The following TTN variants were observed in gnomAD, a reference collection of about 807,000 sequenced individuals.
TTN encodes the protein connectin.
TTN carries 1,525 observed loss-of-function variants against 3,223.0 expected under a neutral mutation model. That is an observed-to-expected ratio of 0.47 (90% CI 0.45 to 0.49). The LOEUF is 0.49. Ranked by LOEUF, TTN falls within the 20% of genes least tolerant of loss-of-function variation. The pLI, the probability that TTN is intolerant of heterozygous loss-of-function variation, is 0.00. For synonymous variants in TTN, 14,094 were observed against 15,161.0 expected, an observed-to-expected ratio of 0.93 and a Z score of 5.17; for missense variants, 40,786 against 43,424.0, an observed-to-expected ratio of 0.94 and a Z score of 5.40.
In TTN at chr2:178,619,861, G is replaced by A. The variant is rs907482265; in HGVS notation, c.46456C>T (p.Pro15486Ser). Residue 15486 changes from proline (P) to serine (S), a missense_variant, in exon 250 of 363, where the codon CCA becomes TCA. Transcript: ENST00000589042. ...CCAGGGGCTTCAAGAATATCTTGTG[G>A]AGGCCTGATGATCTCAACAGGAATT... ...EEIPVEIIRP[P>S]QDILEAPGAD... 2.5e-6 allele frequency: 4 copies of A among 1,611,030 alleles called. No homozygotes were observed. The Admixed American group carries it at 5.0e-5, about 20-fold the overall frequency.
intron 221 of TTN, 38 bp downstream of exon 221, chr2:178,640,503 A>G: frequency 6.4e-7 from 1 of 1,558,346 alleles, no homozygotes; most frequent in Non-Finnish European, 8.8e-7. Flanking sequence ...ACATATTTGC[A>G]TTTTTAGAGA....
chr2:178,676,169 C>A, intron 147 of TTN, 174 bp from the exon 148 acceptor site: 1 of 584,528 alleles, frequency 1.7e-6, no homozygotes, highest in Non-Finnish European at 3.0e-6. Flanking sequence ...AGCAAGGGAC[C>A]AGCAGCATAT....
chr2:178,563,665 T>TA lies in TTN; in HGVS notation c.82466_82467insT (p.Trp27490MetfsTer13). 6.2e-7 allele frequency: 1 copy of TA among 1,613,804 alleles called. No homozygotes were observed. The highest frequency in any genetic ancestry group is 8.5e-7 in the Non-Finnish European group (1 of 1,179,772). ...CTCCGTCGTCTACTGGGCGTGCCCA[T>TA]GTTACTACCATAGAATCTTTGGTGA... On this transcript the variant is annotated frameshift_variant, in exon 326 of 363. Transcript: ENST00000589042. LOFTEE classifies it high-confidence loss of function. The surrounding 1 kb of genome is among the most constrained non-coding windows in gnomAD (Gnocchi z 4.5).
intron 12 of TTN, among the ~76,000 whole-genome samples, 195 bp downstream of exon 12, chr2:178,789,783 T>C (rs566910708): frequency 3.3e-5 from 5 of 152,302 alleles, no homozygotes; most frequent in African/African-American, 1.2e-4. Context: ...AAATGAATTA[T>C]AAATGTTACA....
intron 210 of TTN, 110 bp downstream of exon 210, chr2:178,650,054 T>A: frequency 7.6e-7 from 1 of 1,313,936 alleles, no homozygotes. Context: ...CTTAATGTAG[T>A]CAGATTTCAG....
At chr2:178,729,635 A>G (rs1189747740) in intron 63 of TTN, 29 bp downstream of exon 63, 1 of 1,613,512 alleles carries the variant, frequency 6.2e-7, no homozygotes, top group African/African-American at 1.3e-5. Context: ...CAGCACAGCC[A>G]AAATGGAGAA....
rs879082842 is a variant in TTN, at chr2:178,702,167, C to G, written c.30511+1G>C. The G allele has an allele frequency of 6.2e-7, 1 of 1,613,824 alleles. No homozygotes were observed. The highest frequency in any genetic ancestry group is 1.3e-5 in the African/African-American group (1 of 74,906). The stretch of plus-strand genomic sequence containing the variant: ...GTGGCTTTCTGATGGCGCTACCTCA[C>G]CTTTCGTCGTTAGGTACAGCTCTGC... On this transcript the variant is annotated splice_donor_variant, in intron 108 of 362. Transcript: ENST00000589042. LOFTEE classifies it high-confidence loss of function.
intron 294 of TTN, among the ~76,000 whole-genome samples, chr2:178,596,091 A>G (rs1390908794): frequency 1.3e-5 from 2 of 151,208 alleles, no homozygotes; most frequent in African/African-American, 4.9e-5. Flanking sequence ...CCCAGGTTCA[A>G]GCAATTCTCC....
intron 47 of TTN, 35 bp downstream of exon 47, chr2:178,753,089 T>C: frequency 6.3e-7 from 1 of 1,577,806 alleles, no homozygotes; most frequent in South Asian, 1.1e-5. Context: ...TCCTTTAGAA[T>C]TTCTACTTAA....
Position 178,601,302 on chromosome 2 carries a change from C to T in TTN, c.55695G>A (p.Val18565=). Residue 18565 remains valine (V), a synonymous_variant, in exon 287 of 363, where the codon GTG becomes GTA. Coordinates refer to ENST00000589042, the MANE Select transcript of TTN (RefSeq NM_001267550.2). The part of the protein sequence containing the change: ...AENRFGIGPP[V]ETIQRTTARD... Reference sequence around the variant, plus strand: ...TGGCAGTGGTCCTCTGAATGGTTTCCACAGGTGGGCCAATACCAAAACGGT... The same window carrying T: ...TGGCAGTGGTCCTCTGAATGGTTTCTACAGGTGGGCCAATACCAAAACGGT... The T allele has an allele frequency of 6.3e-7, 1 of 1,591,678 alleles. No individual in the cohort carries two copies.
chr2:178,535,431 T>G lies in TTN; in HGVS notation c.101184A>C (p.Lys33728Asn). The G allele has an allele frequency of 6.2e-7, 1 of 1,613,870 alleles. No homozygotes were observed. The highest frequency in any genetic ancestry group is 1.1e-5 in the South Asian group (1 of 91,084). Reference sequence around the variant, plus strand: ...GCCATCTTTCTGCAGTAGTTGCACATTTTTCAACAATGTAGTTGGTGATTT... The same window carrying G: ...GCCATCTTTCTGCAGTAGTTGCACAGTTTTCAACAATGTAGTTGGTGATTT... ...GSKITNYIVE[K>N]CATTAERWLR... The change falls in exon 358 of 363, where the codon AAA becomes AAC. Residue 33728 changes from lysine to asparagine, a missense_variant. Coordinates refer to ENST00000589042, the MANE Select transcript of TTN (RefSeq NM_001267550.2).
chr2:178,621,917 T>G lies in TTN; in HGVS notation c.45005A>C (p.Lys15002Thr), dbSNP rs1201766795. 6.2e-7 allele frequency: 1 copy of G among 1,612,180 alleles called. No homozygotes were observed. Among genetic ancestry groups the G allele is most frequent in the South Asian group, 1.1e-5 (1 of 91,014 alleles). ...KGAVRILVIN[K>T]CLLDDEAEYS... ...TTCAGCTTCATCATCCAGTAGACAT[T>G]TGTTGATGACAAGAATGCGCACTGC... Residue 15002 changes from lysine to threonine, a missense_variant, in exon 244 of 363, where the codon AAA becomes ACA. Coordinates refer to ENST00000589042, the MANE Select transcript of TTN (RefSeq NM_001267550.2).
rs1386775513 is a variant in TTN at position 178,671,103 on chromosome 2, C to A, written c.35295G>T (p.Glu11765Asp). The stretch of plus-strand genomic sequence containing the variant: ...CAAAGAAGATACCTTTAGCTGGTGG[C>A]TCTTTTCGAGGAACAACTTTAGTGG... ...KPPTKVVPRK[E>D]PPAKVPEVPK... Residue 11765 changes from glutamate (E) to aspartate (D), a missense_variant, in exon 156 of 363, where the codon GAG becomes GAT. Glu to Asp is a conservative substitution (Grantham distance 45). Transcript: ENST00000589042. 6 of 1,605,298 alleles carry A rather than the reference C, an allele frequency of 3.7e-6. No homozygotes were observed. Among genetic ancestry groups the A allele is most frequent in the Non-Finnish European group, 5.1e-6 (6 of 1,176,168 alleles).
chr2:178,623,559 AG>A (rs1390031945), intron 242 of TTN, among the ~76,000 whole-genome samples: 1 of 151,886 alleles, frequency 6.6e-6, no homozygotes, highest in East Asian at 1.9e-4. Context: ...CTTGCAGCTG[AG>A]CCTTCTTGGA....
Position 178,704,915 on chromosome 2 carries a change from G to A in TTN, c.29656C>T (p.Leu9886Phe), listed in dbSNP as rs1330292306. ...SERDEKEFEE[L>F]VSFIQQRLSQ... The stretch of plus-strand genomic sequence containing the variant: ...AGTCTTTGCTGAATAAATGATACAA[G>A]TTCCTCAAATTCCTTTTCGTCCCTC... The change falls in exon 104 of 363, where the codon CTT (leucine) becomes TTT (phenylalanine). Residue 9886 changes from leucine (L) to phenylalanine (F), a missense_variant. By Grantham distance (22) the Leu-to-Phe change is conservative. Coordinates refer to ENST00000589042, the MANE Select transcript of TTN (RefSeq NM_001267550.2). 1 of 1,613,330 alleles carries A rather than the reference G, an allele frequency of 6.2e-7. No homozygotes were observed. The highest frequency in any genetic ancestry group is 8.5e-7 in the Non-Finnish European group (1 of 1,179,768).
rs727504520 is a variant in TTN at position 178,578,933 on chromosome 2, C to G, written c.68097G>C (p.Gln22699His). 1.4e-4 allele frequency: 229 copies of G among 1,613,112 alleles called. No individual in the cohort carries two copies. The highest frequency in any genetic ancestry group is 1.7e-4 in the Non-Finnish European group (200 of 1,179,492). The part of the protein sequence containing the change: ...NKWVTCASAV[Q>H]KTTFRVTRLH... ...GTCTGGTTACTCTAAAGGTGGTTTT[C>G]TGGACAGCTGAGGCGCACGTCACCC... The change falls in exon 320 of 363, where the codon CAG becomes CAC. Residue 22699 changes from glutamine to histidine, a missense_variant. Gln to His is a conservative substitution (Grantham distance 24). Transcript: ENST00000589042.
intron 294 of TTN, 24 bp from the exon 295 acceptor site, chr2:178,595,833 C>G: frequency 2.6e-6 from 4 of 1,559,922 alleles, no homozygotes; most frequent in Non-Finnish European, 3.5e-6. Flanking sequence ...GAAAATAATT[C>G]AAGCTGTTTG....
chr2:178,776,578 A>G lies in TTN; in HGVS notation c.5286T>C (p.Leu1762=). The G allele has an allele frequency of 3.7e-6, 6 of 1,613,772 alleles. No individual in the cohort carries two copies. Among genetic ancestry groups the G allele is most frequent in the Non-Finnish European group, 5.1e-6 (6 of 1,180,006 alleles). The change falls in exon 28 of 363, where the codon CTT becomes CTC. Residue 1762 remains leucine, a synonymous_variant. Coordinates refer to ENST00000589042, the MANE Select transcript of TTN (RefSeq NM_001267550.2). ...CTCTAGAATATGCAACGCCATAATC[A>G]AGGCTGCAGTACCCAAATTCATTGA... ...RMINEFGYCS[L]DYGVAYSRDS...
At position 178,759,154 on chromosome 2, in the gene TTN, T is replaced by G. The variant is rs1275007573; in HGVS notation, c.10133A>C (p.Tyr3378Ser). The change falls in exon 44 of 363, where the codon TAC (tyrosine) becomes TCC (serine). Residue 3378 changes from tyrosine to serine, a missense_variant. Coordinates refer to ENST00000589042, the MANE Select transcript of TTN (RefSeq NM_001267550.2). ...VSGTDLKVSW[Y>S]SKDKKIKPSR... Reference sequence around the variant, plus strand: ...TGGCTTGATTTTCTTGTCTTTGCTGTACCACGACACTTTTAGATCTGCGAC... The same window carrying G: ...TGGCTTGATTTTCTTGTCTTTGCTGGACCACGACACTTTTAGATCTGCGAC... 1 of 1,614,018 alleles carries G rather than the reference T, an allele frequency of 6.2e-7. No homozygotes were observed.
Sources: gnomAD v4.1 joint callset for allele counts (sites outside exome capture counted in the v4.1 genomes callset) on GRCh38, gnomAD v4.1.1 for gene constraint, Gnocchi (gnomAD v3.1) non-coding constraint, MANE v1.5 for transcripts, NCBI Gene and HGNC (gene_info 2026-07-23, HGNC 2026-07-21) for gene names.